The following DENND5A variants were observed in gnomAD, a reference collection of about 807,000 sequenced individuals.
DENND5A encodes the protein DENN domain containing 5A, also known as DENN domain-containing protein 5A.
Under a neutral mutation model 140.3 loss-of-function variants are expected in DENND5A, and 64 were observed. That is an observed-to-expected ratio of 0.46 (90% CI 0.37 to 0.56). The LOEUF (loss-of-function observed/expected upper bound fraction) is 0.56. Among genes scored for constraint, DENND5A ranks in the 20% least tolerant of loss-of-function variants. The pLI is 0.00. For synonymous variants in DENND5A, 605 were observed against 607.7 expected (o/e 1.00, Z 0.07); for missense variants, 1,292 against 1,593.8 (o/e 0.81, Z 3.22).
chr11:9,169,218 A>G (rs1564893224), intron 10 of DENND5A, among the ~76,000 whole-genome samples: 1 of 152,154 alleles, frequency 6.6e-6, no homozygotes, highest in Non-Finnish European at 1.5e-5. Flanking sequence ...GGGATGAGGC[A>G]GGCGGATTAC....
chr11:9,257,127 A>G (rs1851980157), intron 1 of DENND5A, among the ~76,000 whole-genome samples: 1 of 151,766 alleles, frequency 6.6e-6, no homozygotes, highest in Non-Finnish European at 1.5e-5. Context: ...CTCCTGTGTC[A>G]GCCTCCTGAG....
At chr11:9,225,033 T>C (rs1399908839) in intron 1 of DENND5A, among the ~76,000 whole-genome samples, 1 of 152,126 alleles carries the variant, frequency 6.6e-6, no homozygotes, top group East Asian at 1.9e-4. Context: ...ACAATCCTAG[T>C]CCCTAGAACC....
At chr11:9,179,953 T>TGGTTTATAAGTA (rs1848672318) in intron 6 of DENND5A, among the ~76,000 whole-genome samples, 1 of 152,198 alleles carries the variant, frequency 6.6e-6, no homozygotes, top group Admixed American at 6.5e-5. Context: ...ACAAGATTAT[T>TGGTTTATAAGTA]ACATTGGCCC....
intron 4 of DENND5A, among the ~76,000 whole-genome samples, chr11:9,199,026 T>TA (rs1318792286): frequency 1.2e-5 from 1 of 84,478 alleles, no homozygotes; most frequent in Non-Finnish European, 2.5e-5. Context: ...CACTGCATTC[T>TA]AGCTTAGGCA....
At chr11:9,233,877 G>A (rs1850881286) in intron 1 of DENND5A, among the ~76,000 whole-genome samples, 1 of 152,096 alleles carries the variant, frequency 6.6e-6, no homozygotes, top group South Asian at 2.1e-4. Flanking sequence ...TGTTGCCACA[G>A]CCACAGTAAA....
At chr11:9,229,899 CTTTTTTTTTTTTT>C (rs71062816) in intron 1 of DENND5A, among the ~76,000 whole-genome samples, 1 of 64,904 alleles carries the variant, frequency 1.5e-5, no homozygotes, top group African/African-American at 6.3e-5. Context: ...GCTCCCATTT[CTTTTTTTTTTTTT>C]TTTTTTTTTT....
chr11:9,251,138 C>CAAAAAAAAAA (rs887593530), intron 1 of DENND5A, among the ~76,000 whole-genome samples: 3 of 89,972 alleles, frequency 3.3e-5, no homozygotes, highest in Non-Finnish European at 2.2e-5. Context: ...CCATCTCAAA[C>CAAAAAAAAAA]AAAAAAAAAA....
Position 9,180,964 on chromosome 11 carries a change from T to A in DENND5A, c.1258A>T (p.Ile420Phe), listed in dbSNP as rs1416447417. Reference sequence around the variant, plus strand: ...CAATGAAGATTCCCTTCAGGGGGAATTCCAAATGCCATGAGAATCTCAGAG... The same window carrying A: ...CAATGAAGATTCCCTTCAGGGGGAAATCCAAATGCCATGAGAATCTCAGAG... ...EVSEILMAFG[I>F]PPEGNLHCSE... The change falls in exon 6 of 23, where the codon ATT becomes TTT. Residue 420 changes from isoleucine to phenylalanine, a missense_variant. Around this residue, in one of 4 missense-constraint regions of DENND5A, gnomAD observed 566 missense variants for 650.4 expected, o/e 0.87. Transcript: ENST00000328194. 6.2e-7 allele frequency: 1 copy of A among 1,614,022 alleles called. No individual in the cohort carries two copies.
chr11:9,237,832 G>T (rs1274635869), intron 1 of DENND5A, among the ~76,000 whole-genome samples: 1 of 151,968 alleles, frequency 6.6e-6, no homozygotes, highest in Non-Finnish European at 1.5e-5. Flanking sequence ...GCAGTGAGCC[G>T]AGATTACACC....
chr11:9,203,551 T>C, intron 4 of DENND5A, 109 bp downstream of exon 4: 1 of 1,314,626 alleles, frequency 7.6e-7, no homozygotes, highest in Non-Finnish European at 1.0e-6. Context: ...ATCTGGGTTT[T>C]GCTCAAACTG....
chr11:9,168,263 G>A (rs933641994), intron 10 of DENND5A, among the ~76,000 whole-genome samples: 3 of 151,996 alleles, frequency 2.0e-5, no homozygotes, highest in Non-Finnish European at 4.4e-5. Context: ...TTCCTGAGCT[G>A]TTCTCGTGAT....
rs1026588387 is a variant in DENND5A at position 9,139,357 on chromosome 11, C to A, written c.*314G>T. 1 of 337,114 alleles carries A rather than the reference C, an allele frequency of 3.0e-6. No individual in the cohort carries two copies. Among genetic ancestry groups the A allele is most frequent in the Non-Finnish European group, 5.5e-6 (1 of 181,410 alleles). 20.9% of individuals were successfully genotyped at this position (337,114 alleles called of 1,614,324 possible). On this transcript the variant is annotated 3_prime_UTR_variant, in exon 23 of 23. Coordinates refer to ENST00000328194, the MANE Select transcript of DENND5A (RefSeq NM_015213.4). ...AAACATAACTGTCCCGCACGCAGTG[C>A]CACAGGCTCAGTCCAGGGAGGCCTC...
chr11:9,196,039 G>A (rs1394671592), intron 4 of DENND5A, among the ~76,000 whole-genome samples: 1 of 152,142 alleles, frequency 6.6e-6, no homozygotes, highest in Non-Finnish European at 1.5e-5. Flanking sequence ...TGCAACCTAT[G>A]CTTCCCAGGT....
At position 9,142,757 on chromosome 11, in the gene DENND5A, C is replaced by A; in HGVS notation, c.3476G>T (p.Arg1159Leu). Reference sequence around the variant, plus strand: ...CCAAATGAAGACATTTTTGAAGAGCCGGGGCGATTTAAATCCATGCTGGAA... The same window carrying A: ...CCAAATGAAGACATTTTTGAAGAGCAGGGGCGATTTAAATCCATGCTGGAA... ...QAFQHGFKSP[R>L]LFKNVFIWDF... The change falls in exon 21 of 23, where the codon CGG becomes CTG. Residue 1159 changes from arginine (R) to leucine (L), a missense_variant. By Grantham distance (102) the Arg-to-Leu change is moderately radical (BLOSUM62 -2). Coordinates refer to ENST00000328194, the MANE Select transcript of DENND5A (RefSeq NM_015213.4). 4.3e-6 allele frequency: 7 copies of A among 1,614,100 alleles called. No homozygotes were observed. The highest frequency in any genetic ancestry group is 5.9e-6 in the Non-Finnish European group (7 of 1,180,010).
chr11:9,259,027 G>A (rs1415463425), intron 1 of DENND5A, among the ~76,000 whole-genome samples: 4 of 152,084 alleles, frequency 2.6e-5, no homozygotes, highest in Non-Finnish European at 4.4e-5. Flanking sequence ...TTGGGAGGCC[G>A]AGGCGGGCAG....
intron 8 of DENND5A, among the ~76,000 whole-genome samples, chr11:9,173,697 C>G (rs561549132): frequency 6.6e-6 from 1 of 152,288 alleles, no homozygotes; most frequent in East Asian, 1.9e-4. Flanking sequence ...GATATTGTAT[C>G]ACCTAAAAGT....
intron 1 of DENND5A, among the ~76,000 whole-genome samples, chr11:9,232,149 T>C (rs1850799286): frequency 6.6e-6 from 1 of 152,044 alleles, no homozygotes; most frequent in African/African-American, 2.4e-5. Flanking sequence ...AATAAAGCCT[T>C]TAGAAGAAAA....
chr11:9,237,974 A>G (rs1463202714), intron 1 of DENND5A, among the ~76,000 whole-genome samples: 1 of 152,254 alleles, frequency 6.6e-6, no homozygotes, highest in Non-Finnish European at 1.5e-5. Context: ...AAATAAGTGT[A>G]CATGGATATT....
chr11:9,237,349 G>A lies in DENND5A; in HGVS notation c.109+27612C>T, dbSNP rs1851046529. 2.0e-5 allele frequency among the ~76,000 whole-genome samples: 3 copies of A among 152,234 alleles called. 1 individual carries two copies. The highest frequency in any genetic ancestry group is 1.5e-5 in the Non-Finnish European group (1 of 68,024). ...GCAGGAGAATAGCTCTTGAACCCAG[G>A]AGGCAGAGGTTGCAGTGAGGCAAGA... On this transcript the variant is annotated intron_variant, in intron 1 of 22. Transcript: ENST00000328194.
Sources: allele counts gnomAD v4.1 joint callset (sites outside exome capture counted in the v4.1 genomes callset), GRCh38; gene constraint gnomAD v4.1.1; regional missense constraint gnomAD v4.1.1; transcripts MANE v1.5; gene names NCBI Gene and HGNC (gene_info 2026-07-23, HGNC 2026-07-21).